The following MTMR8 variants were observed in gnomAD, a reference collection of about 807,000 sequenced individuals.
MTMR8 encodes the protein myotubularin related protein 8.
In MTMR8, 65 loss-of-function variants were observed where a neutral mutation model predicts 39.3. The ratio of observed to expected loss-of-function variants is 1.65; its 90% CI spans 1.35 to 2.03. The LOEUF is 2.03. Ranked by LOEUF, MTMR8 falls within the 30% of genes most tolerant of loss-of-function variation. The pLI, the probability that MTMR8 is intolerant of heterozygous loss-of-function variation, is 0.00. For missense variants in MTMR8, 777 were observed against 538.9 expected (o/e 1.44, Z -4.37); for synonymous variants, 245 against 185.2 (o/e 1.32, Z -2.62).
intron 12 of MTMR8, among the ~76,000 whole-genome samples, chrX:64,320,970 C>G (rs1412047317): frequency 8.9e-6 from 1 of 111,896 alleles, no homozygotes; most frequent in Non-Finnish European, 1.9e-5. Flanking sequence ...AGCTAACTGA[C>G]AGAGAATTCA....
At position 64,318,040 on chromosome X, in the gene MTMR8, A is replaced by G. The variant is rs989276493; in HGVS notation, c.1481+10732T>C. On this transcript the variant is annotated intron_variant, in intron 12 of 13. Transcript: ENST00000374852. ...CACAGGGCATGGACACATTAATGCTAGGTGAAAGTCCAGACTCTCCACTAG... is the reference window on the plus strand; with the variant it reads ...CACAGGGCATGGACACATTAATGCTGGGTGAAAGTCCAGACTCTCCACTAG... Among the ~76,000 whole-genome samples, 18 of 112,463 alleles carry G rather than the reference A, an allele frequency of 1.6e-4. No homozygotes were observed. The South Asian group carries it at 6.7e-3, about 42-fold the overall frequency.
intron 1 of MTMR8, among the ~76,000 whole-genome samples, chrX:64,381,657 T>G (rs1416758372): frequency 1.8e-5 from 2 of 111,333 alleles, no homozygotes; most frequent in African/African-American, 6.5e-5. Context: ...CTTTTGGTGT[T>G]TTAGACATGA....
intron 12 of MTMR8, among the ~76,000 whole-genome samples, chrX:64,325,682 AT>A (rs1330221769): frequency 6.2e-5 from 7 of 112,534 alleles, no homozygotes. Context: ...AGCTAACACC[AT>A]ATTGAACAGG....
At chrX:64,370,575 T>A (rs185794579) in intron 1 of MTMR8, among the ~76,000 whole-genome samples, 233 of 111,840 alleles carry the variant, frequency 2.1e-3, no homozygotes, top group Middle Eastern at 9.3e-3. Flanking sequence ...TGAAGGCATT[T>A]AAGAAAAGGA....
At chrX:64,306,256 G>C (rs945112277) in intron 12 of MTMR8, 17 of 337,684 alleles carry the variant, frequency 5.0e-5, no homozygotes, top group African/African-American at 4.2e-4. Context: ...GAATGGAGGA[G>C]CCTCAGGAAA....
At chrX:64,331,533 T>G (rs1326163561) in intron 11 of MTMR8, 24 bp downstream of exon 11, 7 of 1,194,204 alleles carry the variant, frequency 5.9e-6, no homozygotes, top group Non-Finnish European at 6.8e-6. Context: ...CCCTGTTCAG[T>G]GTCTTCTCAC....
At chrX:64,395,210 G>T in intron 1 of MTMR8, 130 bp downstream of exon 1, 1 of 687,441 alleles carries the variant, frequency 1.5e-6, no homozygotes, top group African/African-American at 2.1e-5. Context: ...CCCAGAAAGA[G>T]AACCCGGGAC....
chrX:64,271,051 G>A lies in MTMR8; in HGVS notation c.1504C>T (p.Arg502Cys), dbSNP rs1054468468. ...NIQFWCGMYN[R>C]FDKGLQPKQS... ...TTGGGCTGCAGCCCTTTGTCAAAGCGGTTATACATCCCACACCAGAACCTC... is the reference window on the plus strand; with the variant it reads ...TTGGGCTGCAGCCCTTTGTCAAAGCAGTTATACATCCCACACCAGAACCTC... The change falls in exon 13 of 14, where the codon CGC becomes TGC. Residue 502 changes from arginine (R) to cysteine (C), a missense_variant. Coordinates refer to ENST00000374852, the MANE Select transcript of MTMR8 (RefSeq NM_017677.4). 1.1e-5 allele frequency: 13 copies of A among 1,202,894 alleles called. No homozygotes were observed. Among genetic ancestry groups the A allele is most frequent in the East Asian group, 3.0e-5 (1 of 33,420 alleles).
intron 12 of MTMR8, among the ~76,000 whole-genome samples, chrX:64,308,134 T>G (rs1036099485): frequency 1.7e-4 from 19 of 110,236 alleles, no homozygotes; most frequent in African/African-American, 5.6e-4. Flanking sequence ...ACATGTGCCC[T>G]AAAACTTAAA....
At chrX:64,382,170 T>C (rs938797954) in intron 1 of MTMR8, among the ~76,000 whole-genome samples, 2 of 111,858 alleles carry the variant, frequency 1.8e-5, no homozygotes, top group African/African-American at 6.5e-5. Context: ...GGGGATGGCA[T>C]TGAATCTATA....
At chrX:64,311,261 G>A (rs576876195) in intron 12 of MTMR8, among the ~76,000 whole-genome samples, 5 of 111,952 alleles carry the variant, frequency 4.5e-5, no homozygotes, top group Non-Finnish European at 5.6e-5. Context: ...GTGATGACGA[G>A]CATTTTTTCA....
intron 12 of MTMR8, chrX:64,304,905 T>TAC (rs1922038924): frequency 1.3e-5 from 1 of 78,861 alleles, no homozygotes; most frequent in Admixed American, 1.6e-4. Context: ...TATATATATA[T>TAC]ATACACATAC....
intron 1 of MTMR8, among the ~76,000 whole-genome samples, chrX:64,387,115 A>G (rs770721803): frequency 1.3e-4 from 15 of 111,567 alleles, no homozygotes; most frequent in African/African-American, 4.9e-4. Flanking sequence ...TGATTAGATT[A>G]AAAGAAAAAC....
In MTMR8 at chrX:64,297,658, T is replaced by C. The variant is rs369269494; in HGVS notation, c.1482-26585A>G. On this transcript the variant is annotated intron_variant, in intron 12 of 13. Coordinates refer to ENST00000374852, the MANE Select transcript of MTMR8 (RefSeq NM_017677.4). ...GTTTTGGACATGAAGTCCTTGCCCA[T>C]GCCTATGTCCTGAATGGTAATGCCT... 9.0e-3 allele frequency among the ~76,000 whole-genome samples: 879 copies of C among 97,304 alleles called. 17 individuals are homozygous for C. Among genetic ancestry groups the C allele is most frequent in the African/African-American group, 0.031 (810 of 26,169 alleles). The allele number at this position is 97,304 out of a possible 115,157, so 84.5% of individuals were successfully genotyped here. A position where few individuals can be genotyped will look rare whatever the true frequency, so the allele number is the denominator to read the frequency against.
At chrX:64,357,511 A>G (rs1482281686) in intron 2 of MTMR8, among the ~76,000 whole-genome samples, 1 of 111,045 alleles carries the variant, frequency 9.0e-6, no homozygotes, top group Non-Finnish European at 1.9e-5. Flanking sequence ...TGCAGCCTCA[A>G]CCTCCTGGGT....
intron 12 of MTMR8, among the ~76,000 whole-genome samples, chrX:64,292,631 G>A (rs1259878651): frequency 9.0e-6 from 1 of 110,647 alleles, no homozygotes; most frequent in Non-Finnish European, 1.9e-5. Flanking sequence ...CATAAAGACA[G>A]AAAAACAAAA....
Position 64,294,623 on chromosome X carries a change from C to T in MTMR8, c.1482-23550G>A, listed in dbSNP as rs751128322. ...GGCTTATAAACAATAGATATTTATT[C>T]CTCACAGTCATGGAGGCTAGGAAGT... On this transcript the variant is annotated intron_variant, in intron 12 of 13. Coordinates refer to ENST00000374852, the MANE Select transcript of MTMR8 (RefSeq NM_017677.4). Among the ~76,000 whole-genome samples, 14 of 111,591 alleles carry T rather than the reference C, an allele frequency of 1.3e-4. No homozygotes were observed. In the South Asian group the frequency reaches 4.2e-3, roughly 33 times the overall value.
rs1056385508 is a variant in MTMR8, at chrX:64,331,710, G to A, written c.1199C>T (p.Thr400Ile). The change falls in exon 11 of 14, where the codon ACC becomes ATC. Residue 400 changes from threonine to isoleucine, a missense_variant. Transcript: ENST00000374852. ...TTGCCAGATACAGTCTAGGAACTGG[G>A]TGAAGATAGGGGACACTTCTTTAGA... is the stretch of plus-strand genomic sequence containing the variant. ...GDSKEVSPIF[T>I]QFLDCIWQLM... 1 of 1,210,595 alleles carries A rather than the reference G, an allele frequency of 8.3e-7. No homozygotes were observed. The highest frequency in any genetic ancestry group is 2.2e-5 in the Admixed American group (1 of 45,963).
chrX:64,288,879 C>A (rs914903792), intron 12 of MTMR8, among the ~76,000 whole-genome samples: 19 of 108,885 alleles, frequency 1.7e-4, no homozygotes, highest in Admixed American at 1.4e-3. Flanking sequence ...AGGGTGGGGG[C>A]AGGTGGGAGG....
Sources: gnomAD v4.1 joint callset for allele counts (sites outside exome capture counted in the v4.1 genomes callset) on GRCh38, gnomAD v4.1.1 for gene constraint, MANE v1.5 for transcripts, NCBI Gene and HGNC (gene_info 2026-07-23, HGNC 2026-07-21) for gene names.